The following SLC35F3 variants were observed in gnomAD, a reference collection of about 807,000 sequenced individuals.
SLC35F3 encodes the protein putative thiamine transporter SLC35F3.
Under a neutral mutation model 49.9 loss-of-function variants are expected in SLC35F3, and 25 were observed. That is an observed-to-expected ratio of 0.50 (90% CI 0.37 to 0.70). The LOEUF is 0.70. SLC35F3 is among the 30% of genes least tolerant of loss of function. The probability of loss-of-function intolerance (pLI) is 0.00; values close to 1 mark genes in which losing one functional copy is unlikely to be tolerated. For missense variants in SLC35F3, 525 were observed against 639.8 expected, an observed-to-expected ratio of 0.82 and a Z score of 1.94; for synonymous variants, 275 against 265.4, an observed-to-expected ratio of 1.04 and a Z score of -0.35.
intron 2 of SLC35F3, among the ~76,000 whole-genome samples, chr1:234,048,554 TG>T: frequency 6.6e-6 from 1 of 151,790 alleles, no homozygotes; most frequent in East Asian, 1.9e-4. Flanking sequence ...ACTTCCACCA[TG>T]GGATCATGGG....
intron 2 of SLC35F3, among the ~76,000 whole-genome samples, chr1:233,994,023 G>A (rs991742678): frequency 6.6e-6 from 1 of 152,152 alleles, no homozygotes; most frequent in African/African-American, 2.4e-5. Context: ...ATAGCCATGG[G>A]GGAAAGGTAT....
Position 233,976,647 on chromosome 1 carries a change from G to C in SLC35F3, c.283+70889G>C, listed in dbSNP as rs1293154980. 2.0e-5 allele frequency among the ~76,000 whole-genome samples: 3 copies of C among 151,932 alleles called. No homozygotes were observed. The East Asian group carries it at 5.8e-4, about 29-fold the overall frequency. On this transcript the variant is annotated intron_variant, in intron 2 of 7. Transcript: ENST00000366618. Reference sequence around the variant, plus strand: ...TTTTCTTGAGATGGAGTTTCACTCTGTCACCCAGACTGGAGTGCAGTGGCA... The same window carrying C: ...TTTTCTTGAGATGGAGTTTCACTCTCTCACCCAGACTGGAGTGCAGTGGCA...
chr1:233,964,327 G>C (rs1315911082), intron 2 of SLC35F3, among the ~76,000 whole-genome samples: 1 of 152,214 alleles, frequency 6.6e-6, no homozygotes, highest in Non-Finnish European at 1.5e-5. Context: ...GCCACCCACA[G>C]TCTCTTCTGA....
At chr1:234,056,609 G>T (rs1282065514) in intron 2 of SLC35F3, among the ~76,000 whole-genome samples, 1 of 152,170 alleles carries the variant, frequency 6.6e-6, no homozygotes, top group Non-Finnish European at 1.5e-5. Context: ...GTAAGTAAAA[G>T]CATACAATAT....
chr1:234,068,841 ATAT>A (rs1664660218), intron 2 of SLC35F3, among the ~76,000 whole-genome samples: 1 of 133,144 alleles, frequency 7.5e-6, no homozygotes, highest in Non-Finnish European at 1.6e-5. Context: ...ATATATATAT[ATAT>A]ATATATATAT....
chr1:234,206,396 G>A (rs910219829), intron 2 of SLC35F3, among the ~76,000 whole-genome samples: 11 of 151,020 alleles, frequency 7.3e-5, no homozygotes, highest in African/African-American at 2.4e-4. Context: ...AGAGGCATCC[G>A]GCACCCAAAG....
At chr1:233,961,455 C>CTTTTTTTT (rs35494872) in intron 2 of SLC35F3, among the ~76,000 whole-genome samples, 5 of 130,458 alleles carry the variant, frequency 3.8e-5, no homozygotes, top group African/African-American at 5.7e-5. Context: ...TTTTTCCTCT[C>CTTTTTTTT]TTTTTTTTTT....
chr1:234,037,461 C>T (rs919514652), intron 2 of SLC35F3, among the ~76,000 whole-genome samples: 13 of 152,086 alleles, frequency 8.5e-5, no homozygotes, highest in Admixed American at 8.5e-4. Flanking sequence ...TTGGAGAGGA[C>T]AAATATGCAA....
chr1:234,291,256 A>G (rs890965471), intron 3 of SLC35F3, among the ~76,000 whole-genome samples: 4 of 152,218 alleles, frequency 2.6e-5, no homozygotes, highest in African/African-American at 9.6e-5. Context: ...TGCACACATT[A>G]GGGGAACTTG....
chr1:234,227,392 C>CTTTTTTT (rs369277069), intron 2 of SLC35F3, among the ~76,000 whole-genome samples: 51 of 108,692 alleles, frequency 4.7e-4, no homozygotes, highest in East Asian at 4.4e-3. Flanking sequence ...CTCTTTCTTT[C>CTTTTTTT]TTTTTTTTTT....
intron 2 of SLC35F3, among the ~76,000 whole-genome samples, chr1:234,160,787 T>C (rs1381510871): frequency 6.6e-6 from 1 of 152,212 alleles, no homozygotes. Context: ...CTGCAGCTGT[T>C]CTCTGCTCTG....
intron 2 of SLC35F3, among the ~76,000 whole-genome samples, chr1:234,104,652 A>T (rs918683082): frequency 1.3e-5 from 2 of 152,270 alleles, no homozygotes; most frequent in Non-Finnish European, 2.9e-5. Context: ...TACCAAGGAT[A>T]GACTCAAAAT....
intron 2 of SLC35F3, among the ~76,000 whole-genome samples, chr1:233,938,723 T>G (rs1038891801): frequency 9.2e-5 from 14 of 151,448 alleles, no homozygotes; most frequent in Non-Finnish European, 1.6e-4. Context: ...GATGGATGGA[T>G]GAATGGAAGT....
intron 2 of SLC35F3, among the ~76,000 whole-genome samples, chr1:234,166,997 G>T (rs1666331768): frequency 6.6e-6 from 1 of 152,154 alleles, no homozygotes; most frequent in South Asian, 2.1e-4. Flanking sequence ...CCACTTGTAG[G>T]GTGTGCAAGT....
intron 2 of SLC35F3, among the ~76,000 whole-genome samples, chr1:233,987,310 A>G (rs1572009845): frequency 6.6e-6 from 1 of 152,094 alleles, no homozygotes; most frequent in Non-Finnish European, 1.5e-5. Flanking sequence ...AAAAGAAATG[A>G]TGCAAGATTG....
rs183969526 is a variant in SLC35F3 at position 234,226,491 on chromosome 1, G to A, written c.284-4926G>A. Among the ~76,000 whole-genome samples, 40 of 150,836 alleles carry A rather than the reference G, an allele frequency of 2.7e-4. 1 individual carries two copies. In the East Asian group the frequency reaches 3.6e-3, roughly 13 times the overall value. ...GTTCAAAAGGGCCATTTTATGAGATGAGAATGAATGACTTTCCATTCTTTC... is the reference window on the plus strand; with the variant it reads ...GTTCAAAAGGGCCATTTTATGAGATAAGAATGAATGACTTTCCATTCTTTC... On this transcript the variant is annotated intron_variant, in intron 2 of 7. Transcript: ENST00000366618.
intron 2 of SLC35F3, among the ~76,000 whole-genome samples, chr1:234,184,137 T>TAAA (rs531723859): frequency 4.1e-5 from 6 of 147,680 alleles, no homozygotes; most frequent in African/African-American, 1.5e-4. Flanking sequence ...CACAGTTTTT[T>TAAA]TAAAAAAAAA....
chr1:233,999,370 G>A (rs929589001), intron 2 of SLC35F3, among the ~76,000 whole-genome samples: 1 of 151,972 alleles, frequency 6.6e-6, no homozygotes, highest in Non-Finnish European at 1.5e-5. Flanking sequence ...CATTCAGCAC[G>A]TCACAAGAAC....
intron 2 of SLC35F3, among the ~76,000 whole-genome samples, chr1:234,028,657 A>G (rs1288763720): frequency 6.6e-6 from 1 of 152,252 alleles, no homozygotes; most frequent in African/African-American, 2.4e-5. Flanking sequence ...AAAGAAACAC[A>G]ATACTAATAC....
Sources: gnomAD v4.1 joint callset for allele counts (sites outside exome capture counted in the v4.1 genomes callset) on GRCh38, gnomAD v4.1.1 for gene constraint, MANE v1.5 for transcripts, NCBI Gene and HGNC (gene_info 2026-07-23, HGNC 2026-07-21) for gene names.